C10orf90: variants seen among roughly 807,000 people sequenced by gnomAD.
C10orf90 encodes (E2-independent) E3 ubiquitin-conjugating enzyme FATS.
A neutral mutation model predicts 62.5 loss-of-function variants in C10orf90; 56 were observed. The ratio of observed to expected loss-of-function variants is 0.90; its 90% CI spans 0.72 to 1.12. C10orf90 has a LOEUF of 1.12. C10orf90 is among the 50% of genes most tolerant of loss of function. The pLI, the probability that C10orf90 is intolerant of heterozygous loss-of-function variation, is 0.00. For missense variants in C10orf90, 970 were observed against 880.4 expected (o/e 1.10, Z -1.29); for synonymous variants, 386 against 340.4 (o/e 1.13, Z -1.47).
chr10:126,559,084 C>G (rs1361807554), intron 2 of C10orf90, among the ~76,000 whole-genome samples: 1 of 152,230 alleles, frequency 6.6e-6, no homozygotes. Flanking sequence ...TTTTGTAAAA[C>G]CATTCTATGC....
At chr10:126,452,724 T>G (rs2134074183) in intron 7 of C10orf90, among the ~76,000 whole-genome samples, 1 of 152,358 alleles carries the variant, frequency 6.6e-6, no homozygotes, top group South Asian at 2.1e-4. Context: ...TCACAGTGTC[T>G]GTGAAGGACA....
intron 2 of C10orf90, among the ~76,000 whole-genome samples, chr10:126,602,648 A>G (rs1164872624): frequency 6.6e-6 from 1 of 152,050 alleles, no homozygotes; most frequent in East Asian, 1.9e-4. Flanking sequence ...TGCTTTGAAT[A>G]TGATCTGTAA....
rs540785416 is a variant in C10orf90 at position 126,657,037 on chromosome 10, C to T, written c.241-10400G>A. ...ATTCATACTTTGTGTTCTGTAAACA[C>T]AGGTAAGTGCAGAGCCAGTTTCATG... On this transcript the variant is annotated intron_variant, in intron 1 of 9. Coordinates refer to ENST00000488181, the MANE Select transcript of C10orf90 (RefSeq NM_001350921.2). 1.3e-4 allele frequency among the ~76,000 whole-genome samples: 20 copies of T among 152,270 alleles called. No individual in the cohort carries two copies. The East Asian group carries it at 3.7e-3, about 28-fold the overall frequency.
intron 7 of C10orf90, among the ~76,000 whole-genome samples, chr10:126,458,507 G>T (rs1431600106): frequency 6.6e-6 from 1 of 152,206 alleles, no homozygotes; most frequent in Non-Finnish European, 1.5e-5. Context: ...CCAGAGAAGG[G>T]TCTTGATAAC....
At chr10:126,480,156 T>C (rs1220420909) in intron 4 of C10orf90, among the ~76,000 whole-genome samples, 1 of 152,226 alleles carries the variant, frequency 6.6e-6, no homozygotes, top group Non-Finnish European at 1.5e-5. Flanking sequence ...TGATTATGTA[T>C]GGCCAAGATA....
chr10:126,509,389 C>T (rs779488897), intron 3 of C10orf90, among the ~76,000 whole-genome samples: 1 of 152,108 alleles, frequency 6.6e-6, no homozygotes, highest in Non-Finnish European at 1.5e-5. Context: ...ATAATCCAAC[C>T]TACAAAGGAG....
chr10:126,537,911 A>G (rs1273527667), intron 2 of C10orf90, among the ~76,000 whole-genome samples: 1 of 152,220 alleles, frequency 6.6e-6, no homozygotes, highest in Non-Finnish European at 1.5e-5. Flanking sequence ...AGGTCGTTAG[A>G]GTGGGCCCTA....
intron 2 of C10orf90, among the ~76,000 whole-genome samples, chr10:126,638,096 A>G (rs1021684729): frequency 6.6e-6 from 1 of 152,196 alleles, no homozygotes; most frequent in African/African-American, 2.4e-5. Context: ...GACATGGAAC[A>G]GCATTCCTGA....
chr10:126,456,363 G>A lies in C10orf90; in HGVS notation c.2188+2677C>T, dbSNP rs946611476. The stretch of plus-strand genomic sequence containing the variant: ...TGGTCAGGGTGGCCATAAAACCCAC[G>A]TTGGCCAAGTCCCACTTTGAGAGCA... On this transcript the variant is annotated intron_variant, in intron 7 of 9. Transcript: ENST00000488181. The surrounding 1 kb of genome is among the most constrained non-coding windows in gnomAD (Gnocchi z 4.9). Among the ~76,000 whole-genome samples the A allele has an allele frequency of 1.1e-4, 17 of 152,106 alleles. No homozygotes were observed. The highest frequency in any genetic ancestry group is 2.1e-4 in the South Asian group (1 of 4,826).
In C10orf90 at chr10:126,504,739, A is replaced by C; in HGVS notation, c.752T>G (p.Leu251Arg). Residue 251 changes from leucine (L) to arginine (R), a missense_variant, in exon 4 of 10, where the codon CTG (leucine) becomes CGG (arginine). By Grantham distance (102) the Leu-to-Arg change is moderately radical (BLOSUM62 -2). Coordinates refer to ENST00000488181, the MANE Select transcript of C10orf90 (RefSeq NM_001350921.2). This position sits in a 1 kb window ranked among gnomAD's most constrained non-coding sequence, Gnocchi z 4.1. ...AGAGTCCCCAGCAGTCCCCCACACC[A>C]GGGCGCGGGCTGGGGGGCCCACGCG... ...ARRVGPPARA[L>R]VWGTAGDSLC... 6.3e-7 allele frequency: 1 copy of C among 1,598,354 alleles called. No homozygotes were observed. Among genetic ancestry groups the C allele is most frequent in the Non-Finnish European group, 8.5e-7 (1 of 1,171,316 alleles).
chr10:126,460,636 A>G (rs529284588), intron 6 of C10orf90, among the ~76,000 whole-genome samples: 178 of 152,230 alleles, frequency 1.2e-3, no homozygotes, highest in African/African-American at 4.0e-3. Flanking sequence ...GCTCAGGTTT[A>G]GCTGCTGCCT....
Position 126,504,316 on chromosome 10 carries a change from T to C in C10orf90, c.1175A>G (p.Asn392Ser), listed in dbSNP as rs554132273. The change falls in exon 4 of 10, where the codon AAT (asparagine) becomes AGT (serine). Residue 392 changes from asparagine (N) to serine (S), a missense_variant. By Grantham distance (46) the Asn-to-Ser change is conservative. Transcript: ENST00000488181. This position sits in a 1 kb window ranked among gnomAD's most constrained non-coding sequence, Gnocchi z 4.1. ...MHRSVLSLNL[N>S]CSSHRLTADG... ...TGCTGTTAATCTGTGGGAACTACAA[T>C]TGAGGTTGAGCGACAGGACGGATCT... 2.5e-6 allele frequency: 4 copies of C among 1,614,148 alleles called. No individual in the cohort carries two copies. In the African/African-American group the frequency reaches 5.3e-5, roughly 22 times the overall value.
intron 7 of C10orf90, among the ~76,000 whole-genome samples, chr10:126,449,915 T>C (rs1859056230): frequency 6.6e-6 from 1 of 150,896 alleles, no homozygotes; most frequent in African/African-American, 2.4e-5. Flanking sequence ...AAGAATCGCT[T>C]GAACCTGGGA....
At position 126,670,244 on chromosome 10, in the gene C10orf90, A is replaced by G. The variant is rs1220800220; in HGVS notation, c.237T>C (p.Tyr79=). Residue 79 remains tyrosine (Y), a synonymous_variant, in exon 1 of 10, where the codon TAT becomes TAC. Coordinates refer to ENST00000488181, the MANE Select transcript of C10orf90 (RefSeq NM_001350921.2). ...LKTAEQTASR[Y]EIHSRLFSSP... is the part of the protein sequence containing the mutation. Reference sequence around the variant, plus strand: ...ACCCACCCAGGCTCAGCCATACCTCATATCTGCTGGCTGTCTGCTCAGCCG... The same window carrying G: ...ACCCACCCAGGCTCAGCCATACCTCGTATCTGCTGGCTGTCTGCTCAGCCG... The G allele has an allele frequency of 1.3e-5, 6 of 456,640 alleles. No individual in the cohort carries two copies. The highest frequency in any genetic ancestry group is 6.2e-5 in the South Asian group (4 of 64,564). 28.3% of individuals were successfully genotyped at this position (456,640 alleles called of 1,614,324 possible).
At chr10:126,607,197 A>C (rs892069003) in intron 2 of C10orf90, among the ~76,000 whole-genome samples, 6 of 152,164 alleles carry the variant, frequency 3.9e-5, no homozygotes, top group South Asian at 2.1e-4. Flanking sequence ...CTTAAACAAC[A>C]ATGTTCCTGA....
chr10:126,448,782 G>A (rs1262869385), intron 7 of C10orf90, among the ~76,000 whole-genome samples: 3 of 152,146 alleles, frequency 2.0e-5, no homozygotes, highest in African/African-American at 7.2e-5. Flanking sequence ...GATACTACTA[G>A]AAGAAGTGAA....
chr10:126,571,182 C>A (rs957671924), intron 2 of C10orf90, among the ~76,000 whole-genome samples: 1 of 152,256 alleles, frequency 6.6e-6, no homozygotes, highest in Non-Finnish European at 1.5e-5. Context: ...CAGCTCCTGA[C>A]CCACGAGGTC....
At chr10:126,642,488 C>T (rs945128535) in intron 2 of C10orf90, among the ~76,000 whole-genome samples, 3 of 151,904 alleles carry the variant, frequency 2.0e-5, no homozygotes, top group African/African-American at 2.4e-5. Context: ...GCCCAGATCG[C>T]GCCACTGCAC....
At chr10:126,507,995 C>T (rs1430224513) in intron 3 of C10orf90, among the ~76,000 whole-genome samples, 2 of 150,548 alleles carry the variant, frequency 1.3e-5, no homozygotes, top group Non-Finnish European at 2.9e-5. Context: ...ACGAGGAGTG[C>T]AATCATACCC....
Sources: gnomAD v4.1 joint callset for allele counts (sites outside exome capture counted in the v4.1 genomes callset) on GRCh38, gnomAD v4.1.1 for gene constraint, Gnocchi (gnomAD v3.1) non-coding constraint, MANE v1.5 for transcripts, NCBI Gene and HGNC (gene_info 2026-07-23, HGNC 2026-07-21) for gene names.